The following ANXA8L1 variants were observed in gnomAD, a reference collection of about 807,000 sequenced individuals.
ANXA8L1 encodes annexin A8-like protein 1.
In ANXA8L1, 10 loss-of-function variants were observed where a neutral mutation model predicts 22.5. That is an observed-to-expected ratio of 0.44 (90% confidence interval 0.27 to 0.75). ANXA8L1 has a LOEUF of 0.75. Ranked by LOEUF, ANXA8L1 falls within the 30% of genes least tolerant of loss-of-function variation. ANXA8L1 has a pLI of 0.15. For synonymous variants in ANXA8L1, 36 were observed against 86.0 expected (o/e 0.42, Z 3.22); for missense variants, 88 against 219.6 (o/e 0.40, Z 3.79).
At chr10:46,377,960 C>T in intron 1 of ANXA8L1, among the ~76,000 whole-genome samples, 1 of 107,512 alleles carries the variant, frequency 9.3e-6, no homozygotes, top group Middle Eastern at 3.9e-3. Flanking sequence ...GAGCCTGAGG[C>T]TGACCCTTCC....
intron 7 of ANXA8L1, 53 bp downstream of exon 7, chr10:46,384,886 C>T (rs2942950): frequency 0.15 from 235,485 of 1,576,966 alleles, 10,267 homozygotes; most frequent in African/African-American, 0.27. Flanking sequence ...ATCTGGACTC[C>T]GGCTCCTCTG....
intron 11 of ANXA8L1, among the ~76,000 whole-genome samples, chr10:46,389,654 C>T (rs1840054560): frequency 6.6e-6 from 1 of 151,116 alleles, no homozygotes; most frequent in Non-Finnish European, 1.5e-5. Flanking sequence ...AAGTATAACT[C>T]ATGTATTTGA....
At chr10:46,381,309 C>T in intron 3 of ANXA8L1, 69 bp downstream of exon 3, 1 of 730,286 alleles carries the variant, frequency 1.4e-6, no homozygotes, top group Non-Finnish European at 2.1e-6. Context: ...TGGGAGGCAG[C>T]TCCATTCTGG....
At position 46,383,534 on chromosome 10, in the gene ANXA8L1, G is replaced by C; in HGVS notation, c.400G>C (p.Ala134Pro). The C allele has an allele frequency of 1.2e-6, 1 of 849,208 alleles. No homozygotes were observed. The highest frequency in any genetic ancestry group is 1.7e-6 in the Non-Finnish European group (1 of 574,858). 52.6% of individuals were successfully genotyped at this position (849,208 alleles called of 1,614,324 possible). A position where few individuals can be genotyped will look rare whatever the true frequency, so the allele number is the denominator to read the frequency against. The change falls in exon 5 of 12, where the codon GCG becomes CCG. Residue 134 changes from alanine (A) to proline (P), a missense_variant. Physicochemically the swap from Ala to Pro is conservative, Grantham distance 27 (BLOSUM62 -1). Transcript: ENST00000619162. ...TKNQLREIMK[A>P]YEEDYGSSLE... ...GAACCAGCTGCGGGAGATAATGAAGGCGTATGAGGAAGGTAAGGGGTGGCA... is the reference window on the plus strand; with the variant it reads ...GAACCAGCTGCGGGAGATAATGAAGCCGTATGAGGAAGGTAAGGGGTGGCA...
At chr10:46,384,868 C>A (rs1840017535) in intron 7 of ANXA8L1, 35 bp downstream of exon 7, 5 of 1,611,830 alleles carry the variant, frequency 3.1e-6, no homozygotes, top group Non-Finnish European at 4.2e-6. Context: ...GTGGCCCCAC[C>A]CCCTGCCATC....
chr10:46,384,835 T>A lies in ANXA8L1; in HGVS notation c.552+2T>A, dbSNP rs1840016848. 1.6e-5 allele frequency: 25 copies of A among 1,612,446 alleles called. No homozygotes were observed. The highest frequency in any genetic ancestry group is 2.1e-5 in the Non-Finnish European group (25 of 1,179,750). ...GCACTGGCCCTCCAAGACGCACAGG[T>A]GAGGCTGCGCCCAGCCGGCCATGTG... On this transcript the variant is annotated splice_donor_variant, in intron 7 of 11. Transcript: ENST00000619162. LOFTEE classifies it high-confidence loss of function.
rs1487921382 is a variant in ANXA8L1, at chr10:46,384,811, C to T, written c.530C>T (p.Ala177Val). Residue 177 changes from alanine (A) to valine (V), a missense_variant, in exon 7 of 12, where the codon GCA becomes GTA. By Grantham distance (64) the Ala-to-Val change is moderately conservative (BLOSUM62 0). Coordinates refer to ENST00000619162, the MANE Select transcript of ANXA8L1 (RefSeq NM_001098845.3). ...GATGTGAGCAGCTTTGTGGACCCGGCACTGGCCCTCCAAGACGCACAGGTG... is the reference window on the plus strand; with the variant it reads ...GATGTGAGCAGCTTTGTGGACCCGGTACTGGCCCTCCAAGACGCACAGGTG... ...RDDVSSFVDP[A>V]LALQDAQDLY... is the part of the protein sequence containing the mutation. 1,201 of 1,612,802 alleles carry T rather than the reference C, an allele frequency of 7.4e-4. 42 individuals carry two copies. The African/African-American group carries it at 0.013, about 18-fold the overall frequency.
Position 46,390,927 on chromosome 10 carries a change from C to T in ANXA8L1, c.981C>T (p.Pro327=). ...NALLSLVGSD[P] is the part of the protein sequence containing the mutation. ...TGCTGAGCCTGGTGGGCAGCGACCCCTGAGGCACAGAAGAACAAGAGCAAA... is the reference window on the plus strand; with the variant it reads ...TGCTGAGCCTGGTGGGCAGCGACCCTTGAGGCACAGAAGAACAAGAGCAAA... Residue 327 remains proline, a synonymous_variant, in exon 12 of 12, where the codon CCC becomes CCT. Transcript: ENST00000619162. 2.1e-6 allele frequency: 3 copies of T among 1,408,508 alleles called. No homozygotes were observed. Among genetic ancestry groups the T allele is most frequent in the South Asian group, 1.2e-5 (1 of 82,962 alleles). 87.3% of individuals were successfully genotyped at this position (1,408,508 alleles called of 1,614,324 possible). A position where few individuals can be genotyped will look rare whatever the true frequency, so the allele number is the denominator to read the frequency against.
intron 1 of ANXA8L1, among the ~76,000 whole-genome samples, chr10:46,376,716 G>C: frequency 1.1e-5 from 1 of 94,634 alleles, no homozygotes; most frequent in East Asian, 2.1e-4. Context: ...TATCCAGAAG[G>C]GGACAGAGGT....
chr10:46,376,079 C>T, intron 1 of ANXA8L1: 1 of 744,504 alleles, frequency 1.3e-6, no homozygotes, highest in Non-Finnish European at 2.2e-6. Context: ...GGGACCTGGG[C>T]CGGGAGACAG....
At chr10:46,388,544 AG>A (rs1363420160) in intron 11 of ANXA8L1, 29 bp downstream of exon 11, 3 of 277,476 alleles carry the variant, frequency 1.1e-5, no homozygotes, top group African/African-American at 9.9e-5. Context: ...TGCTGAGGCC[AG>A]CCTGAAACCC....
chr10:46,375,860 G>C lies in ANXA8L1; in HGVS notation c.9G>C (p.Trp3Cys). Residue 3 changes from tryptophan (W) to cysteine (C), a missense_variant, in exon 1 of 12, where the codon TGG becomes TGC. Coordinates refer to ENST00000619162, the MANE Select transcript of ANXA8L1 (RefSeq NM_001098845.3). The part of the protein sequence containing the change: MA[W>C]WKAWIEQEGV... ...CCCCCGAAGTGAAAGAGATGGCCTG[G>C]TGGAAAGCCTGGGTAAGTGGGAGCT... 1 of 1,595,430 alleles carries C rather than the reference G, an allele frequency of 6.3e-7. No homozygotes were observed. Among genetic ancestry groups the C allele is most frequent in the South Asian group, 1.1e-5 (1 of 90,312 alleles).
At chr10:46,389,220 C>G (rs2133017449) in intron 11 of ANXA8L1, among the ~76,000 whole-genome samples, 1 of 101,224 alleles carries the variant, frequency 9.9e-6, no homozygotes, top group South Asian at 4.0e-4. Flanking sequence ...ATTTCTGTTT[C>G]CAGATGTTTC....
In ANXA8L1 at chr10:46,391,767, AT is replaced by A. The variant is rs1177761799; in HGVS notation, c.*840del. 8.3e-6 allele frequency: 1 copy of A among 119,770 alleles called. No individual in the cohort carries two copies. The highest frequency in any genetic ancestry group is 1.7e-5 in the Non-Finnish European group (1 of 59,790). 7.4% of individuals were successfully genotyped at this position (119,770 alleles called of 1,614,324 possible). A position where few individuals can be genotyped will look rare whatever the true frequency, so the allele number is the denominator to read the frequency against. On this transcript the variant is annotated 3_prime_UTR_variant, in exon 12 of 12. Coordinates refer to ENST00000619162, the MANE Select transcript of ANXA8L1 (RefSeq NM_001098845.3). ...TGCTGTGGTTTTCAAAATAATAAAG[AT>A]TTGTATTCAACTCAAAGTATCTTTG... is the stretch of plus-strand genomic sequence containing the variant.
rs184551877 is a variant in ANXA8L1 at position 46,390,897 on chromosome 10, C to T, written c.951C>T (p.Asn317=). The T allele has an allele frequency of 3.7e-3, 5,164 of 1,383,090 alleles. 1,110 individuals carry two copies. The highest frequency in any genetic ancestry group is 5.8e-3 in the Middle Eastern group (22 of 3,816). 85.7% of individuals were successfully genotyped at this position (1,383,090 alleles called of 1,614,324 possible). A position where few individuals can be genotyped will look rare whatever the true frequency, so the allele number is the denominator to read the frequency against. ...IMEDTSGDYK[N]ALLSLVGSDP is the part of the protein sequence containing the mutation. ...AAGACACCAGCGGCGACTACAAGAA[C>T]GCCCTGCTGAGCCTGGTGGGCAGCG... Residue 317 remains asparagine (N), a synonymous_variant, in exon 12 of 12, where the codon AAC becomes AAT. Coordinates refer to ENST00000619162, the MANE Select transcript of ANXA8L1 (RefSeq NM_001098845.3).
chr10:46,389,436 AGATTTC>A (rs1254164549), intron 11 of ANXA8L1, among the ~76,000 whole-genome samples: 4 of 145,782 alleles, frequency 2.7e-5, no homozygotes, highest in African/African-American at 1.0e-4. Context: ...GGCATCAGAG[AGATTTC>A]TACAGATACA....
At chr10:46,384,855 C>T in intron 7 of ANXA8L1, 22 bp downstream of exon 7, 2 of 1,612,402 alleles carry the variant, frequency 1.2e-6, no homozygotes, top group South Asian at 1.1e-5. Context: ...CCCAGCCGGC[C>T]ATGTGGCCCC....
In ANXA8L1 at chr10:46,389,787, C is replaced by T. The variant is rs1214071433; in HGVS notation, c.925-1084C>T. Among the ~76,000 whole-genome samples the T allele has an allele frequency of 2.0e-5, 3 of 151,494 alleles. 1 individual carries two copies. Among genetic ancestry groups the T allele is most frequent in the African/African-American group, 4.9e-5 (2 of 40,988 alleles). ...ATCCCAGTGCTTTGGGAGGCCAACG[C>T]AGGAGGATCGCTTGAGCCCAGGAGT... On this transcript the variant is annotated intron_variant, in intron 11 of 11. Transcript: ENST00000619162.
rs1204909179 is a variant in ANXA8L1 at position 46,384,641 on chromosome 10, A to G, written c.493-133A>G. The G allele has an allele frequency of 4.7e-6, 7 of 1,481,078 alleles. No individual in the cohort carries two copies. In the Admixed American group the frequency reaches 7.2e-5, roughly 15 times the overall value. 91.7% of individuals were successfully genotyped at this position (1,481,078 alleles called of 1,614,324 possible). A position where few individuals can be genotyped will look rare whatever the true frequency, so the allele number is the denominator to read the frequency against. ...GAGGAAACCAAGGGCTGAAGAGAATAACTGGCTTGTCGAAGTTTCCACAGC... is the reference window on the plus strand; with the variant it reads ...GAGGAAACCAAGGGCTGAAGAGAATGACTGGCTTGTCGAAGTTTCCACAGC... On this transcript the variant is annotated intron_variant, in intron 6 of 11. Transcript: ENST00000619162.
Sources: gnomAD v4.1 joint callset for allele counts (sites outside exome capture counted in the v4.1 genomes callset) on GRCh38, gnomAD v4.1.1 for gene constraint, MANE v1.5 for transcripts, NCBI Gene and HGNC (gene_info 2026-07-23, HGNC 2026-07-21) for gene names.